The following AK8 variants were observed in gnomAD, a reference collection of about 807,000 sequenced individuals.
AK8 encodes ATP-AMP transphosphorylase 8.
AK8 carries 44 observed loss-of-function variants against 54.6 expected under a neutral mutation model. That is an observed-to-expected ratio of 0.81 (90% CI 0.63 to 1.04). The LOEUF (loss-of-function observed/expected upper bound fraction) is 1.04, where lower values mean the gene tolerates loss of function less well. Ranked by LOEUF, AK8 falls within the 50% of genes least tolerant of loss-of-function variation. AK8 has a pLI of 0.00. For synonymous variants in AK8, 239 were observed against 245.6 expected (o/e 0.97, Z 0.25); for missense variants, 555 against 613.6 (o/e 0.90, Z 1.01).
chr9:132,768,874 G>A (rs1838834921), intron 11 of AK8: 1 of 152,088 alleles, frequency 6.6e-6, no homozygotes, highest in Non-Finnish European at 1.5e-5. Context: ...GTTACAGAAG[G>A]ATATATGCAA....
intron 9 of AK8, among the ~76,000 whole-genome samples, chr9:132,817,749 A>G (rs1384590085): frequency 6.6e-6 from 1 of 152,202 alleles, no homozygotes; most frequent in East Asian, 1.9e-4. Context: ...CAGACAGTCT[A>G]ACATATGTGG....
At chr9:132,762,161 C>T (rs1838505236) in intron 11 of AK8, among the ~76,000 whole-genome samples, 1 of 152,132 alleles carries the variant, frequency 6.6e-6, no homozygotes, top group Non-Finnish European at 1.5e-5. Flanking sequence ...TGAGCCACTG[C>T]GCCTGGCCAT....
rs144505161 is a variant in AK8 at position 132,873,444 on chromosome 9, G to T, written c.169+1671C>A. Among the ~76,000 whole-genome samples, 1,037 of 152,254 alleles carry T rather than the reference G, an allele frequency of 6.8e-3. 17 individuals carry two copies. Among genetic ancestry groups the T allele is most frequent in the African/African-American group, 0.023 (965 of 41,536 alleles). On this transcript the variant is annotated intron_variant, in intron 2 of 12. Coordinates refer to ENST00000298545, the MANE Select transcript of AK8 (RefSeq NM_152572.3). ...CTGACAGTGGGGAGGGAGGTGGGGG[G>T]GTGGCAGGACAGAGGACTGTGCTGC...
At chr9:132,845,845 C>T (rs531625872) in intron 5 of AK8, among the ~76,000 whole-genome samples, 2 of 150,726 alleles carry the variant, frequency 1.3e-5, no homozygotes, top group South Asian at 4.2e-4. Context: ...CAGCTGCAAA[C>T]ACAGAGAGAA....
At chr9:132,874,068 G>A (rs1025029282) in intron 2 of AK8, among the ~76,000 whole-genome samples, 4 of 152,206 alleles carry the variant, frequency 2.6e-5, no homozygotes, top group African/African-American at 7.2e-5. Flanking sequence ...CATATAGGAC[G>A]CTCAGTCAAC....
chr9:132,726,303 CTCTTCT>C (rs557529673), intron 12 of AK8, among the ~76,000 whole-genome samples: 120 of 132,034 alleles, frequency 9.1e-4, no homozygotes, highest in Middle Eastern at 7.3e-3. Context: ...CCCTTCCTTT[CTCTTCT>C]TCTTCCTTTT....
chr9:132,800,342 A>G (rs1283958905), intron 10 of AK8, among the ~76,000 whole-genome samples: 2 of 152,202 alleles, frequency 1.3e-5, no homozygotes, highest in East Asian at 1.9e-4. Flanking sequence ...CTGGTGAAAC[A>G]TGGGTTCTGC....
At chr9:132,874,303 C>T (rs1346660181) in intron 2 of AK8, 1 of 152,270 alleles carries the variant, frequency 6.6e-6, no homozygotes, top group African/African-American at 2.4e-5. Context: ...CTTGGAACCT[C>T]CTTTCTTTTT....
At chr9:132,866,437 G>A (rs1350701166) in intron 3 of AK8, among the ~76,000 whole-genome samples, 1 of 152,126 alleles carries the variant, frequency 6.6e-6, no homozygotes, top group Non-Finnish European at 1.5e-5. Flanking sequence ...ATAAAATCTG[G>A]GAGTTGGATA....
chr9:132,835,889 C>T (rs1315298375), intron 5 of AK8, among the ~76,000 whole-genome samples: 1 of 152,004 alleles, frequency 6.6e-6, no homozygotes, highest in Admixed American at 6.5e-5. Context: ...TTTGGGAGGC[C>T]GAGGTGGGTG....
intron 10 of AK8, among the ~76,000 whole-genome samples, chr9:132,812,491 G>A (rs530031902): frequency 0.012 from 52 of 4,164 alleles, no homozygotes; most frequent in African/African-American, 0.035. Context: ...CACCCGCCTC[G>A]GCCTTCCAAA....
Position 132,849,632 on chromosome 9 carries a change from C to G in AK8, c.402+5225G>C, listed in dbSNP as rs561114697. 2.3e-4 allele frequency among the ~76,000 whole-genome samples: 35 copies of G among 152,252 alleles called. 1 individual carries two copies. The highest frequency in any genetic ancestry group is 2.2e-3 in the Admixed American group (33 of 15,288). ...TTCAGAGCCAGTGTTGCAGCCCGGC[C>G]GGCAGGGTGTTTGTGATGGAGATCC... On this transcript the variant is annotated intron_variant, in intron 5 of 12. Coordinates refer to ENST00000298545, the MANE Select transcript of AK8 (RefSeq NM_152572.3).
At chr9:132,875,335 C>G in intron 1 of AK8, 136 bp from the exon 2 acceptor site, 1 of 1,481,708 alleles carries the variant, frequency 6.7e-7, no homozygotes, top group South Asian at 1.4e-5. Flanking sequence ...AGCCACCGCC[C>G]CAGCTGGCAT....
In AK8 at chr9:132,863,653, G is replaced by C. The variant is rs746047369; in HGVS notation, c.333+12C>G. 1 of 1,596,130 alleles carries C rather than the reference G, an allele frequency of 6.3e-7. No homozygotes were observed. The highest frequency in any genetic ancestry group is 2.2e-5 in the East Asian group (1 of 44,820). Reference sequence around the variant, plus strand: ...GCTGTGTGCCTACCCCTGTCCCCGGGGCCAGTCCTACCTTCCTTTGCAGAT... The same window carrying C: ...GCTGTGTGCCTACCCCTGTCCCCGGCGCCAGTCCTACCTTCCTTTGCAGAT... On this transcript the variant is annotated intron_variant, in intron 4 of 12. Coordinates refer to ENST00000298545, the MANE Select transcript of AK8 (RefSeq NM_152572.3).
At chr9:132,761,402 AGAGGCAT>A (rs2131053504) in intron 11 of AK8, among the ~76,000 whole-genome samples, 1 of 151,970 alleles carries the variant, frequency 6.6e-6, no homozygotes, top group East Asian at 1.9e-4. Context: ...AGCTGGGATT[AGAGGCAT>A]GTGCCACCAT....
At chr9:132,726,056 T>C in intron 12 of AK8, 131 bp from the exon 13 acceptor site, 2 of 706,070 alleles carry the variant, frequency 2.8e-6, no homozygotes, top group South Asian at 1.8e-5. Flanking sequence ...CATTTACTAC[T>C]GTGTACTGCT....
At chr9:132,849,206 C>T (rs1209870707) in intron 5 of AK8, among the ~76,000 whole-genome samples, 1 of 152,124 alleles carries the variant, frequency 6.6e-6, no homozygotes, top group Admixed American at 6.5e-5. Flanking sequence ...CTACGCCCAG[C>T]CGGAAGTTTG....
intron 11 of AK8, among the ~76,000 whole-genome samples, chr9:132,733,876 G>A (rs369509754): frequency 1.3e-5 from 2 of 152,182 alleles, no homozygotes; most frequent in Admixed American, 1.3e-4. Flanking sequence ...GGCCAGGGGC[G>A]GGCACTCTAC....
intron 10 of AK8, among the ~76,000 whole-genome samples, chr9:132,813,970 A>G (rs540182693): frequency 6.6e-6 from 1 of 152,276 alleles, no homozygotes; most frequent in Admixed American, 6.5e-5. Flanking sequence ...CAGTATTTTT[A>G]TATACCAAAT....
Sources: gnomAD v4.1 joint callset for allele counts (sites outside exome capture counted in the v4.1 genomes callset) on GRCh38, gnomAD v4.1.1 for gene constraint, MANE v1.5 for transcripts, NCBI Gene and HGNC (gene_info 2026-07-23, HGNC 2026-07-21) for gene names.